Variants in TMTC1 observed in about 807,000 individuals in gnomAD.
TMTC1 encodes the protein protein O-mannosyl-transferase TMTC1.
TMTC1 carries 73 observed loss-of-function variants against 104.8 expected under a neutral mutation model. The ratio of observed to expected loss-of-function variants is 0.70; its 90% CI spans 0.58 to 0.85. TMTC1 has a LOEUF of 0.85. Ranked by LOEUF, TMTC1 falls within the 40% of genes least tolerant of loss-of-function variation. TMTC1 has a pLI of 0.00. For missense variants in TMTC1, 1,035 were observed against 1,096.1 expected, an observed-to-expected ratio of 0.94 and a Z score of 0.79; for synonymous variants, 434 against 428.7, an observed-to-expected ratio of 1.01 and a Z score of -0.15.
At chr12:29,659,266 A>T (rs1939902435) in intron 5 of TMTC1, among the ~76,000 whole-genome samples, 1 of 152,198 alleles carries the variant, frequency 6.6e-6, no homozygotes. Context: ...GTCCCCACAA[A>T]ATCTCATATC....
chr12:29,597,264 A>G (rs1290783347), intron 7 of TMTC1, among the ~76,000 whole-genome samples: 1 of 120,118 alleles, frequency 8.3e-6, no homozygotes, highest in African/African-American at 3.4e-5. Flanking sequence ...TTTTTGAGAT[A>G]AGGTATCACT....
At chr12:29,643,716 T>TTATTA in intron 5 of TMTC1, among the ~76,000 whole-genome samples, 1 of 38,054 alleles carries the variant, frequency 2.6e-5, no homozygotes, top group East Asian at 8.2e-4. Context: ...ATTATATATA[T>TTATTA]AATATATAAA....
At chr12:29,734,978 C>T (rs1051536229) in intron 5 of TMTC1, among the ~76,000 whole-genome samples, 4 of 152,182 alleles carry the variant, frequency 2.6e-5, no homozygotes, top group South Asian at 2.1e-4. Context: ...CTGTTACAAG[C>T]GTTAGCTTCT....
Position 29,502,962 on chromosome 12 carries a change from C to A in TMTC1, c.*3884G>T, listed in dbSNP as rs1592137326. ...TGAATGTAGCTCTTCAATCTGAGAA[C>A]CTGGAATGTTTTACAATGAAAACAG... is the stretch of plus-strand genomic sequence containing the variant. On this transcript the variant is annotated 3_prime_UTR_variant, in exon 18 of 18. Transcript: ENST00000539277. The A allele has an allele frequency of 6.6e-6, 1 of 152,154 alleles. No homozygotes were observed. Among genetic ancestry groups the A allele is most frequent in the East Asian group, 1.9e-4 (1 of 5,186 alleles). The allele number at this position is 152,154 out of a possible 1,614,324, so 9.4% of individuals were successfully genotyped here. A position where few individuals can be genotyped will look rare whatever the true frequency, so the allele number is the denominator to read the frequency against.
At chr12:29,680,565 A>C (rs566645754) in intron 5 of TMTC1, among the ~76,000 whole-genome samples, 3 of 152,370 alleles carry the variant, frequency 2.0e-5, no homozygotes, top group Admixed American at 2.0e-4. Context: ...CGTTACAGTC[A>C]ATATTGCCTA....
chr12:29,755,789 C>A lies in TMTC1; in HGVS notation c.651G>T (p.Leu217=). 9 of 1,614,150 alleles carry A rather than the reference C, an allele frequency of 5.6e-6. No homozygotes were observed. The highest frequency in any genetic ancestry group is 7.6e-6 in the Non-Finnish European group (9 of 1,180,026). ...ACACCGTGATGCCTGTCTCTTTCAC[C>A]AGCATCGCACAGGTCCCCAGAAACA... ...LSLFLGTCAM[L]VKETGITVFG... is the part of the protein sequence containing the mutation. Residue 217 remains leucine, a synonymous_variant, in exon 4 of 18, where the codon CTG becomes CTT. Transcript: ENST00000539277.
intron 6 of TMTC1, among the ~76,000 whole-genome samples, chr12:29,613,701 C>A (rs1049973435): frequency 2.0e-5 from 3 of 152,146 alleles, no homozygotes; most frequent in African/African-American, 7.2e-5. Flanking sequence ...AAGGATAAAT[C>A]AGATACATTT....
Position 29,783,551 on chromosome 12 carries a change from G to T in TMTC1, c.201C>A (p.Ala67=). ...IVNNPDVRPG[A]PLRWGIFTND... is the part of the protein sequence containing the mutation. The stretch of plus-strand genomic sequence containing the variant: ...TGGTGAAGATGCCCCAGCGGAGCGG[G>T]GCGCCGGGCCGCACGTCGGGGTTGT... The change falls in exon 1 of 18, where the codon GCC becomes GCA. Residue 67 remains alanine, a synonymous_variant. Transcript: ENST00000539277. This position sits in a 1 kb window ranked among gnomAD's most constrained non-coding sequence, Gnocchi z 4.7. 1 of 1,475,568 alleles carries T rather than the reference G, an allele frequency of 6.8e-7. No individual in the cohort carries two copies. The highest frequency in any genetic ancestry group is 9.0e-7 in the Non-Finnish European group (1 of 1,115,556). 91.4% of individuals were successfully genotyped at this position (1,475,568 alleles called of 1,614,324 possible). A position where few individuals can be genotyped will look rare whatever the true frequency, so the allele number is the denominator to read the frequency against.
intron 15 of TMTC1, among the ~76,000 whole-genome samples, chr12:29,514,903 A>C (rs1335669614): frequency 6.6e-6 from 1 of 151,990 alleles, no homozygotes. Context: ...AATCCCGGCT[A>C]CTGGGGGGGC....
At chr12:29,548,988 A>G (rs1054199212) in intron 10 of TMTC1, among the ~76,000 whole-genome samples, 4 of 145,450 alleles carry the variant, frequency 2.8e-5, no homozygotes, top group Non-Finnish European at 4.5e-5. Flanking sequence ...TATAAATTAA[A>G]TTAAATATAT....
At chr12:29,641,526 C>T (rs1001708233) in intron 5 of TMTC1, among the ~76,000 whole-genome samples, 2 of 152,118 alleles carry the variant, frequency 1.3e-5, no homozygotes, top group Non-Finnish European at 2.9e-5. Context: ...GAAGCCACAT[C>T]CATAGGAAAT....
intron 5 of TMTC1, among the ~76,000 whole-genome samples, chr12:29,687,621 G>T (rs958229827): frequency 6.6e-6 from 1 of 152,196 alleles, no homozygotes; most frequent in African/African-American, 2.4e-5. Flanking sequence ...TCCTGGAGTT[G>T]TCAAAAAGAA....
intron 5 of TMTC1, among the ~76,000 whole-genome samples, chr12:29,662,177 A>T (rs1051080938): frequency 2.6e-5 from 4 of 152,040 alleles, no homozygotes; most frequent in African/African-American, 7.2e-5. Context: ...ATCCCTTTTC[A>T]TTGTTTTTTT....
At chr12:29,519,869 A>G (rs2136155087) in intron 12 of TMTC1, 1 of 152,376 alleles carries the variant, frequency 6.6e-6, no homozygotes, top group South Asian at 2.1e-4. Flanking sequence ...TCTGTAAAAC[A>G]AGAGAGCTCC....
chr12:29,532,798 C>T (rs1030183569), intron 11 of TMTC1: 3 of 152,082 alleles, frequency 2.0e-5, no homozygotes, highest in Non-Finnish European at 2.9e-5. Flanking sequence ...TGTTGACACT[C>T]ATCTTATTTC....
chr12:29,572,202 G>C lies in TMTC1; in HGVS notation c.1435C>G (p.Leu479Val), dbSNP rs557263551. 9.3e-6 allele frequency: 15 copies of C among 1,613,668 alleles called. No individual in the cohort carries two copies. The South Asian group carries it at 1.2e-4, about 13-fold the overall frequency. Residue 479 changes from leucine to valine, a missense_variant, in exon 9 of 18, where the codon CTG (leucine) becomes GTG (valine). Leu to Val is a conservative substitution (Grantham distance 32). Coordinates refer to ENST00000539277, the MANE Select transcript of TMTC1 (RefSeq NM_001193451.2). ...ESLFRSGVQT[L>V]PHNAKVHYNY... ...TAGTGAACCTTGGCATTGTGGGGCA[G>C]AGTTTGAACTCCAGACCTAAAATGA...
chr12:29,774,977 G>C (rs1262512432), intron 1 of TMTC1, among the ~76,000 whole-genome samples: 1 of 152,148 alleles, frequency 6.6e-6, no homozygotes, highest in Non-Finnish European at 1.5e-5. Flanking sequence ...CCACAGGAAA[G>C]CTGCCCCATG....
At chr12:29,590,898 C>A (rs1277211822) in intron 7 of TMTC1, among the ~76,000 whole-genome samples, 2 of 152,196 alleles carry the variant, frequency 1.3e-5, no homozygotes, top group Non-Finnish European at 2.9e-5. Context: ...GGGTTGGGAT[C>A]CTCAGCCTTG....
At position 29,503,418 on chromosome 12, in the gene TMTC1, T is replaced by C. The variant is rs2136116538; in HGVS notation, c.*3428A>G. The C allele has an allele frequency of 6.6e-6, 1 of 152,290 alleles. No individual in the cohort carries two copies. Among genetic ancestry groups the C allele is most frequent in the Admixed American group, 6.5e-5 (1 of 15,292 alleles). The allele number at this position is 152,290 out of a possible 1,614,324, so 9.4% of individuals were successfully genotyped here. A position where few individuals can be genotyped will look rare whatever the true frequency, so the allele number is the denominator to read the frequency against. The stretch of plus-strand genomic sequence containing the variant: ...ATTTAAAAAATCCTGAATGAATAAT[T>C]CATAAGATTAAAATAAGCTGCTAAA... On this transcript the variant is annotated 3_prime_UTR_variant, in exon 18 of 18. Coordinates refer to ENST00000539277, the MANE Select transcript of TMTC1 (RefSeq NM_001193451.2).
Sources: gnomAD v4.1 joint callset for allele counts (sites outside exome capture counted in the v4.1 genomes callset) on GRCh38, gnomAD v4.1.1 for gene constraint, Gnocchi (gnomAD v3.1) non-coding constraint, MANE v1.5 for transcripts, NCBI Gene and HGNC (gene_info 2026-07-23, HGNC 2026-07-21) for gene names.